PRUNE2: variants seen among roughly 807,000 people sequenced by gnomAD.
PRUNE2 encodes protein prune homolog 2.
PRUNE2 carries 164 observed loss-of-function variants against 252.0 expected under a neutral mutation model. The observed-to-expected ratio is 0.65, with a 90% confidence interval of 0.57 to 0.74. The LOEUF is 0.74. PRUNE2 is among the 30% of genes least tolerant of loss of function. The pLI, the probability that PRUNE2 is intolerant of heterozygous loss-of-function variation, is 0.00. For synonymous variants in PRUNE2, 1,292 were observed against 1,350.2 expected, an observed-to-expected ratio of 0.96 and a Z score of 0.94; for missense variants, 3,495 against 3,711.0, an observed-to-expected ratio of 0.94 and a Z score of 1.51.
chr9:76,626,340 G>T (rs1410481754), intron 16 of PRUNE2, among the ~76,000 whole-genome samples: 3 of 152,196 alleles, frequency 2.0e-5, no homozygotes, highest in Admixed American at 6.5e-5. Context: ...CTGGTTGTGG[G>T]AGTGGCTGAG....
chr9:76,640,293 C>T (rs1363396826), intron 12 of PRUNE2, among the ~76,000 whole-genome samples: 1 of 152,112 alleles, frequency 6.6e-6, no homozygotes, highest in Non-Finnish European at 1.5e-5. Context: ...TCTTGAAAAG[C>T]AGTTTAATAA....
chr9:76,830,735 G>A (rs1046616183), intron 4 of PRUNE2, among the ~76,000 whole-genome samples: 4 of 150,118 alleles, frequency 2.7e-5, no homozygotes, highest in African/African-American at 4.9e-5. Context: ...ACACCTCTAG[G>A]TGCCTGATAG....
chr9:76,717,128 A>C (rs17787066), intron 6 of PRUNE2, among the ~76,000 whole-genome samples: 2,775 of 152,364 alleles, frequency 0.018, 44 homozygotes, highest in East Asian at 0.086. Flanking sequence ...TGAATCACCT[A>C]GGCAAGTTAG....
chr9:76,757,092 A>G (rs1431002372), intron 6 of PRUNE2, among the ~76,000 whole-genome samples: 1 of 152,236 alleles, frequency 6.6e-6, no homozygotes, highest in Non-Finnish European at 1.5e-5. Context: ...TTACAGCATA[A>G]TAGTATTTTC....
chr9:76,897,225 T>TC (rs1244195974), intron 1 of PRUNE2, among the ~76,000 whole-genome samples: 1 of 151,996 alleles, frequency 6.6e-6, no homozygotes, highest in Non-Finnish European at 1.5e-5. Flanking sequence ...TCCTATAAAC[T>TC]TGTCAAGCTG....
chr9:76,816,256 C>T (rs1163019059), intron 6 of PRUNE2, among the ~76,000 whole-genome samples: 5 of 151,914 alleles, frequency 3.3e-5, no homozygotes, highest in African/African-American at 1.2e-4. Flanking sequence ...GCACTACCTA[C>T]ATACAAATTG....
intron 6 of PRUNE2, among the ~76,000 whole-genome samples, chr9:76,816,828 A>G (rs1171751786): frequency 6.6e-6 from 1 of 152,164 alleles, no homozygotes; most frequent in African/African-American, 2.4e-5. Context: ...AAACCAGAAC[A>G]CCCACATCCT....
chr9:76,629,600 G>A (rs1452582979), intron 15 of PRUNE2, among the ~76,000 whole-genome samples: 1 of 130,816 alleles, frequency 7.6e-6, no homozygotes, highest in Non-Finnish European at 1.6e-5. Flanking sequence ...TACTTCACAT[G>A]CTTTTTTTTT....
intron 6 of PRUNE2, among the ~76,000 whole-genome samples, chr9:76,767,544 T>C (rs1344284589): frequency 1.3e-5 from 2 of 152,180 alleles, no homozygotes; most frequent in Non-Finnish European, 2.9e-5. Flanking sequence ...ATCACCTCTT[T>C]AAAAAGAAAA....
intron 1 of PRUNE2, among the ~76,000 whole-genome samples, chr9:76,886,394 A>C (rs2062101244): frequency 6.6e-6 from 1 of 152,184 alleles, no homozygotes; most frequent in Non-Finnish European, 1.5e-5. Context: ...TCTCAGGCTC[A>C]GCTGATGGGA....
intron 1 of PRUNE2, among the ~76,000 whole-genome samples, chr9:76,880,134 C>T (rs946027895): frequency 1.1e-4 from 16 of 151,624 alleles, no homozygotes; most frequent in East Asian, 1.9e-4. Context: ...AGGATGGTCT[C>T]GATCTCCTGA....
At chr9:76,627,815 A>C (rs1420314856) in intron 16 of PRUNE2, 2 of 409,968 alleles carry the variant, frequency 4.9e-6, no homozygotes, top group Admixed American at 3.0e-5. Context: ...GTAACTTCCT[A>C]CTAAGTTACG....
intron 6 of PRUNE2, among the ~76,000 whole-genome samples, chr9:76,729,044 G>C (rs1263083812): frequency 2.0e-5 from 3 of 152,158 alleles, no homozygotes; most frequent in Non-Finnish European, 2.9e-5. Flanking sequence ...ATGTATGTTA[G>C]AAATAGTCCT....
At chr9:76,826,426 T>C (rs2058348688) in intron 5 of PRUNE2, among the ~76,000 whole-genome samples, 154 bp downstream of exon 5, 1 of 152,142 alleles carries the variant, frequency 6.6e-6, no homozygotes, top group South Asian at 2.1e-4. Flanking sequence ...TGAGCTGAGA[T>C]CATGTTACTG....
intron 1 of PRUNE2, among the ~76,000 whole-genome samples, chr9:76,859,845 A>G (rs60732419): frequency 0.17 from 25,922 of 152,038 alleles, 3,882 homozygotes; most frequent in African/African-American, 0.41. Context: ...TGGGATTACA[A>G]GTGCCCGCCA....
intron 4 of PRUNE2, among the ~76,000 whole-genome samples, chr9:76,838,761 A>G (rs1286572644): frequency 6.6e-6 from 1 of 151,892 alleles, no homozygotes; most frequent in African/African-American, 2.4e-5. Flanking sequence ...TACCACAAAA[A>G]TGGGAATACC....
intron 11 of PRUNE2, among the ~76,000 whole-genome samples, chr9:76,645,356 T>C (rs1221147416): frequency 1.3e-5 from 2 of 152,162 alleles, no homozygotes; most frequent in Non-Finnish European, 1.5e-5. Context: ...TTTGGGGCCC[T>C]CAGCTTGGAA....
At chr9:76,883,817 C>A (rs1400653816) in intron 1 of PRUNE2, among the ~76,000 whole-genome samples, 1 of 152,234 alleles carries the variant, frequency 6.6e-6, no homozygotes, top group East Asian at 1.9e-4. Flanking sequence ...TTGCTCCTCT[C>A]ATCAAGAGAA....
chr9:76,844,995 T>G (rs899220491), intron 4 of PRUNE2, among the ~76,000 whole-genome samples: 1 of 69,620 alleles, frequency 1.4e-5, no homozygotes, highest in African/African-American at 7.4e-5. Flanking sequence ...GAGACCCCCC[T>G]CTCTTAAAAA....
Sources: gnomAD v4.1 joint callset for allele counts (sites outside exome capture counted in the v4.1 genomes callset) on GRCh38, gnomAD v4.1.1 for gene constraint, MANE v1.5 for transcripts, NCBI Gene and HGNC (gene_info 2026-07-23, HGNC 2026-07-21) for gene names.